The following FILIP1 variants were observed in gnomAD, a reference collection of about 807,000 sequenced individuals.
FILIP1 encodes the protein filamin A interacting protein 1.
A neutral mutation model predicts 102.1 loss-of-function variants in FILIP1; 61 were observed. The observed-to-expected ratio is 0.60, with a 90% confidence interval of 0.49 to 0.74. FILIP1 has a LOEUF of 0.74. Ranked by LOEUF, FILIP1 falls within the 30% of genes least tolerant of loss-of-function variation. The probability of loss-of-function intolerance (pLI) is 0.00; values close to 1 mark genes in which losing one functional copy is unlikely to be tolerated. For synonymous variants in FILIP1, 491 were observed against 526.9 expected (o/e 0.93, Z 0.93); for missense variants, 1,314 against 1,441.2 (o/e 0.91, Z 1.43).
chr6:75,401,136 C>T (rs1356510584), intron 2 of FILIP1, among the ~76,000 whole-genome samples: 1 of 152,152 alleles, frequency 6.6e-6, no homozygotes, highest in Non-Finnish European at 1.5e-5. Context: ...CACTTGTGGA[C>T]ACCAGTAGTC....
chr6:75,413,585 T>C (rs1265189205), intron 2 of FILIP1, among the ~76,000 whole-genome samples: 1 of 152,074 alleles, frequency 6.6e-6, no homozygotes, highest in Non-Finnish European at 1.5e-5. Context: ...TGACCCACCC[T>C]AGTTTAGAGT....
intron 3 of FILIP1, among the ~76,000 whole-genome samples, chr6:75,355,888 T>C (rs1380694709): frequency 6.6e-6 from 1 of 152,206 alleles, no homozygotes; most frequent in African/African-American, 2.4e-5. Flanking sequence ...TTCTAATTCA[T>C]TGTTCCACAA....
chr6:75,361,561 TATC>T (rs563249479), intron 3 of FILIP1, among the ~76,000 whole-genome samples: 326 of 152,328 alleles, frequency 2.1e-3, no homozygotes, highest in Non-Finnish European at 3.0e-3. Context: ...TATGAGCAGT[TATC>T]ATTTTTGAAT....
At chr6:75,353,452 GGCTGAAAGACTGAT>G (rs1774878480) in intron 4 of FILIP1, 73 bp downstream of exon 4, 2 of 1,448,248 alleles carry the variant, frequency 1.4e-6, no homozygotes, top group Non-Finnish European at 1.9e-6. Flanking sequence ...CGATGCCCCT[GGCTGAAAGACTGAT>G]CCCTGAAGGG....
At chr6:75,372,696 A>C (rs1405312328) in intron 2 of FILIP1, among the ~76,000 whole-genome samples, 2 of 40,332 alleles carry the variant, frequency 5.0e-5, no homozygotes, top group Non-Finnish European at 9.0e-5. Context: ...AGAAAGAAAG[A>C]GAAAGAAAGA....
At chr6:75,296,102 G>C (rs1004820701) in intron 6 of FILIP1, among the ~76,000 whole-genome samples, 1 of 151,924 alleles carries the variant, frequency 6.6e-6, no homozygotes, top group Admixed American at 6.6e-5. Flanking sequence ...ACTATTCTTG[G>C]GCAACGTCTT....
intron 1 of FILIP1, among the ~76,000 whole-genome samples, chr6:75,423,655 A>C (rs1777543145): frequency 6.6e-6 from 1 of 152,184 alleles, no homozygotes; most frequent in Admixed American, 6.6e-5. Context: ...ATTCACAACA[A>C]TGCCGGACCA....
chr6:75,292,077 T>C (rs1214310664), exon 7 of FILIP1: 1 of 152,224 alleles, frequency 6.6e-6, no homozygotes, highest in Non-Finnish European at 1.5e-5. Flanking sequence ...GATAAGTACA[T>C]ATCCATAAAT....
chr6:75,369,511 C>T (rs970781397), intron 2 of FILIP1, among the ~76,000 whole-genome samples: 42 of 152,114 alleles, frequency 2.8e-4, no homozygotes, highest in African/African-American at 1.0e-3. Flanking sequence ...AAAGGTACAA[C>T]GCCATTACTA....
chr6:75,382,109 AC>A (rs1775922473), intron 2 of FILIP1, among the ~76,000 whole-genome samples: 1 of 152,178 alleles, frequency 6.6e-6, no homozygotes, highest in Non-Finnish European at 1.5e-5. Flanking sequence ...ATTTCCCCAC[AC>A]TACATAACTT....
At chr6:75,402,066 T>TA (rs1386050343) in intron 2 of FILIP1, among the ~76,000 whole-genome samples, 1 of 152,160 alleles carries the variant, frequency 6.6e-6, no homozygotes, top group African/African-American at 2.4e-5. Context: ...TGTAAAATAA[T>TA]AAAAGGATTT....
rs564887733 is a variant in FILIP1 at position 75,439,413 on chromosome 6, G to A, written c.-6-24435C>T. On this transcript the variant is annotated intron_variant, in intron 1 of 5. Coordinates refer to ENST00000237172, the MANE Select transcript of FILIP1 (RefSeq NM_015687.5). ...ATTGTAAGAAAATATGGTCATGATT[G>A]GAGTGTGCAAACACATGTTCTTTGT... 7.2e-5 allele frequency among the ~76,000 whole-genome samples: 11 copies of A among 152,258 alleles called. No individual in the cohort carries two copies. The South Asian group carries it at 8.3e-4, about 11-fold the overall frequency.
At chr6:75,359,372 G>A (rs1214103073) in intron 3 of FILIP1, among the ~76,000 whole-genome samples, 1 of 152,138 alleles carries the variant, frequency 6.6e-6, no homozygotes, top group Non-Finnish European at 1.5e-5. Flanking sequence ...AGTGTTTGAA[G>A]GAAAGATGAG....
chr6:75,440,832 C>T (rs891808872), intron 1 of FILIP1, among the ~76,000 whole-genome samples: 3 of 151,946 alleles, frequency 2.0e-5, no homozygotes, highest in Non-Finnish European at 4.4e-5. Context: ...GCCTGTAATC[C>T]CAGCTACTTG....
intron 1 of FILIP1, among the ~76,000 whole-genome samples, chr6:75,461,135 C>T (rs1779011561): frequency 6.6e-6 from 1 of 152,282 alleles, no homozygotes; most frequent in East Asian, 1.9e-4. Context: ...CCTCAGCCCA[C>T]AAAAACTGTG....
At chr6:75,454,002 A>AAGG (rs1416014346) in intron 1 of FILIP1, 6 of 456,732 alleles carry the variant, frequency 1.3e-5, no homozygotes, top group Non-Finnish European at 2.6e-5. Flanking sequence ...AAGGCTTAAA[A>AAGG]CAACATCCAT....
chr6:75,483,030 C>CAA lies in FILIP1; in HGVS notation c.-7+10382_-7+10383dup, dbSNP rs5877456. On this transcript the variant is annotated intron_variant, in intron 1 of 5. Coordinates refer to ENST00000237172, the MANE Select transcript of FILIP1 (RefSeq NM_015687.5). ...TTCACTTTTTGTTTGCTTTCTATTG[C>CAA]AAAAAAAAAAAATCTGTGCTACAGT... is the stretch of plus-strand genomic sequence containing the variant. 8.4e-3 allele frequency among the ~76,000 whole-genome samples: 1,223 copies of CAA among 145,916 alleles called. 7 individuals carry two copies. Among genetic ancestry groups the CAA allele is most frequent in the Non-Finnish European group, 9.5e-3 (631 of 66,144 alleles).
rs139462316 is a variant in FILIP1 at position 75,447,921 on chromosome 6, G to A, written c.-6-32943C>T. Among the ~76,000 whole-genome samples, 493 of 151,900 alleles carry A rather than the reference G, an allele frequency of 3.2e-3. 1 individual carries two copies. The highest frequency in any genetic ancestry group is 4.3e-3 in the Non-Finnish European group (295 of 67,890). ...AGAAATCAAACCAGGTACCAATATA[G>A]AAGAAAGGGAATTTCTTCAGGATTC... On this transcript the variant is annotated intron_variant, in intron 1 of 5. Coordinates refer to ENST00000237172, the MANE Select transcript of FILIP1 (RefSeq NM_015687.5).
Position 75,319,517 on chromosome 6 carries a change from T to C in FILIP1, c.630-4315A>G, listed in dbSNP as rs1298881738. On this transcript the variant is annotated intron_variant, in intron 4 of 5. Coordinates refer to ENST00000237172, the MANE Select transcript of FILIP1 (RefSeq NM_015687.5). ...TTTCTCTTCAGCAGACATGGTCTTCTACCTCTCTGAGCACTTCTTAGAAAA... is the reference window on the plus strand; with the variant it reads ...TTTCTCTTCAGCAGACATGGTCTTCCACCTCTCTGAGCACTTCTTAGAAAA... The C allele has an allele frequency of 1.0e-5, 6 of 577,598 alleles. No homozygotes were observed. In the East Asian group the frequency reaches 2.7e-4, roughly 26 times the overall value. 35.8% of individuals were successfully genotyped at this position (577,598 alleles called of 1,614,324 possible).
Sources: gnomAD v4.1 joint callset for allele counts (sites outside exome capture counted in the v4.1 genomes callset) on GRCh38, gnomAD v4.1.1 for gene constraint, MANE v1.5 for transcripts, NCBI Gene and HGNC (gene_info 2026-07-23, HGNC 2026-07-21) for gene names.